SEMA5B: variants seen among roughly 807,000 people sequenced by gnomAD.
SEMA5B encodes semaphorin-5B.
Under a neutral mutation model 135.0 loss-of-function variants are expected in SEMA5B, and 66 were observed. The ratio of observed to expected loss-of-function variants is 0.49; its 90% CI spans 0.40 to 0.60. SEMA5B has a LOEUF of 0.60. Among genes scored for constraint, SEMA5B ranks in the 20% least tolerant of loss-of-function variants. SEMA5B has a pLI of 0.00. For synonymous variants in SEMA5B, 690 were observed against 639.5 expected (o/e 1.08, Z -1.19); for missense variants, 1,501 against 1,566.3 (o/e 0.96, Z 0.70).
intron 5 of SEMA5B, among the ~76,000 whole-genome samples, chr3:122,937,109 T>C (rs986140550): frequency 6.6e-6 from 1 of 152,254 alleles, no homozygotes; most frequent in African/African-American, 2.4e-5. Context: ...TTAACCCAAG[T>C]GTAGCCCCAG....
chr3:122,995,434 A>AGT (rs1942001890), intron 1 of SEMA5B, among the ~76,000 whole-genome samples: 1 of 152,128 alleles, frequency 6.6e-6, no homozygotes, highest in Non-Finnish European at 1.5e-5. Context: ...GGGTGGCCAC[A>AGT]CCCTGCCACA....
intron 2 of SEMA5B, among the ~76,000 whole-genome samples, chr3:122,958,001 C>T (rs1218163321): frequency 6.6e-6 from 1 of 152,236 alleles, no homozygotes; most frequent in Non-Finnish European, 1.5e-5. Flanking sequence ...TGCACACCAG[C>T]CTCCTGTGAA....
chr3:122,964,112 A>G (rs1246446819), intron 1 of SEMA5B, among the ~76,000 whole-genome samples: 1 of 151,860 alleles, frequency 6.6e-6, no homozygotes. Flanking sequence ...TAAATTTGCC[A>G]TTTTTCTCCC....
chr3:123,010,250 A>C (rs940742123), intron 1 of SEMA5B, among the ~76,000 whole-genome samples: 3 of 152,174 alleles, frequency 2.0e-5, no homozygotes, highest in African/African-American at 7.2e-5. Flanking sequence ...CAAATCATGG[A>C]ATTTGGAATT....
At chr3:122,925,335 T>C (rs111871334) in intron 9 of SEMA5B, among the ~76,000 whole-genome samples, 10,758 of 150,894 alleles carry the variant, frequency 0.071, 433 homozygotes, top group Middle Eastern at 0.15. Context: ...GGGCCACACA[T>C]AAAATACACT....
At chr3:122,932,270 T>TTTTTTTA (rs1939015432) in intron 5 of SEMA5B, among the ~76,000 whole-genome samples, 1 of 132,854 alleles carries the variant, frequency 7.5e-6, no homozygotes, top group African/African-American at 2.9e-5. Context: ...TTTTTTTTTT[T>TTTTTTTA]GGAGAGAAGG....
chr3:122,972,306 C>G (rs1012664311), intron 1 of SEMA5B, among the ~76,000 whole-genome samples: 1 of 152,108 alleles, frequency 6.6e-6, no homozygotes, highest in African/African-American at 2.4e-5. Flanking sequence ...TGTGCAGTGA[C>G]TTAAGATGTA....
chr3:122,956,654 T>G (rs1940322683), intron 2 of SEMA5B, among the ~76,000 whole-genome samples: 1 of 152,080 alleles, frequency 6.6e-6, no homozygotes, highest in South Asian at 2.1e-4. Context: ...AGGTGCCCCC[T>G]GCACAACCGA....
chr3:122,924,833 C>T (rs996659763), intron 9 of SEMA5B, among the ~76,000 whole-genome samples: 7 of 152,168 alleles, frequency 4.6e-5, no homozygotes, highest in Non-Finnish European at 8.8e-5. Context: ...TCCCTGATCA[C>T]CACTCCTCTA....
chr3:123,024,846 T>A (rs1299635806), intron 1 of SEMA5B, among the ~76,000 whole-genome samples: 1 of 152,188 alleles, frequency 6.6e-6, no homozygotes, highest in Non-Finnish European at 1.5e-5. Flanking sequence ...TTTGTTAGGA[T>A]CATTTCACTT....
chr3:122,931,496 T>C (rs1305772252), intron 5 of SEMA5B, among the ~76,000 whole-genome samples: 5 of 152,202 alleles, frequency 3.3e-5, no homozygotes, highest in African/African-American at 1.2e-4. Flanking sequence ...ATGCTCTTAT[T>C]AGTTAAAATT....
chr3:122,925,902 T>G (rs1162320058), intron 9 of SEMA5B, among the ~76,000 whole-genome samples: 1 of 152,020 alleles, frequency 6.6e-6, no homozygotes, highest in Non-Finnish European at 1.5e-5. Context: ...TTACTCGTCC[T>G]CACACCTAGG....
Position 122,921,908 on chromosome 3 carries a change from G to A in SEMA5B, c.1688+7C>T, listed in dbSNP as rs775087379. ...GAGGCCTCGGGAGCCGCCCCGTCCCGGCTTACCCCTGGCTGCGGTAGGCGG... is the reference window on the plus strand; with the variant it reads ...GAGGCCTCGGGAGCCGCCCCGTCCCAGCTTACCCCTGGCTGCGGTAGGCGG... On this transcript the variant is annotated splice_region_variant and intron_variant, in intron 12 of 22. Coordinates refer to ENST00000357599, the MANE Select transcript of SEMA5B (RefSeq NM_001031702.4). 6 of 1,529,772 alleles carry A rather than the reference G, an allele frequency of 3.9e-6. No homozygotes were observed. In the Admixed American group the frequency reaches 6.0e-5, roughly 15 times the overall value. The allele number at this position is 1,529,772 out of a possible 1,614,324, so 94.8% of individuals were successfully genotyped here.
chr3:122,946,564 C>A lies in SEMA5B; in HGVS notation c.328+1942G>T, dbSNP rs150210526. Among the ~76,000 whole-genome samples, 665 of 152,226 alleles carry A rather than the reference C, an allele frequency of 4.4e-3. 2 individuals carry two copies. Among genetic ancestry groups the A allele is most frequent in the Non-Finnish European group, 7.4e-3 (500 of 68,014 alleles). ...GTCCTTTGCCCAGCATGAATTGAGT[C>A]CCTACTGTGTGCTCAGCTGTGCTAA... On this transcript the variant is annotated intron_variant, in intron 3 of 22. Transcript: ENST00000357599.
chr3:122,981,612 A>G (rs1046133851), intron 1 of SEMA5B, among the ~76,000 whole-genome samples: 3 of 152,256 alleles, frequency 2.0e-5, no homozygotes, highest in African/African-American at 7.2e-5. Flanking sequence ...AGGACAAAGC[A>G]GCATGCTGGA....
At chr3:122,932,761 C>CTG (rs1045588481) in intron 5 of SEMA5B, among the ~76,000 whole-genome samples, 2 of 152,122 alleles carry the variant, frequency 1.3e-5, no homozygotes, top group African/African-American at 4.8e-5. Context: ...CACCCTCTTG[C>CTG]TGTGTGTGTG....
chr3:123,005,197 C>T (rs777375900), intron 1 of SEMA5B, among the ~76,000 whole-genome samples: 1 of 152,142 alleles, frequency 6.6e-6, no homozygotes, highest in African/African-American at 2.4e-5. Context: ...AGCCTTCCTC[C>T]ACCTGTCCCC....
rs750630176 is a variant in SEMA5B, at chr3:122,929,044, G to C, written c.489C>G (p.Ala163=). The C allele has an allele frequency of 7.4e-6, 12 of 1,611,860 alleles. No homozygotes were observed. The highest frequency in any genetic ancestry group is 7.6e-6 in the Non-Finnish European group (9 of 1,180,016). ...NVSLLQATEW[A]SSEDTRRSCQ... is the part of the protein sequence containing the mutation. The stretch of plus-strand genomic sequence containing the variant: ...AGGAGCGGCGCGTGTCCTCACTGGA[G>C]GCCCACTCTGTGGCCTGGGGGAGGA... The change falls in exon 6 of 23, where the codon GCC becomes GCG. Residue 163 remains alanine (A), a synonymous_variant. Transcript: ENST00000357599.
At chr3:122,974,080 G>C (rs1203948248) in intron 1 of SEMA5B, among the ~76,000 whole-genome samples, 1 of 152,124 alleles carries the variant, frequency 6.6e-6, no homozygotes, top group African/African-American at 2.4e-5. Context: ...GCTGAGGGGA[G>C]AGAGAGCCCA....
Sources: allele counts gnomAD v4.1 joint callset (sites outside exome capture counted in the v4.1 genomes callset), GRCh38; gene constraint gnomAD v4.1.1; transcripts MANE v1.5; gene names NCBI Gene and HGNC (gene_info 2026-07-23, HGNC 2026-07-21).